SNX29: variants seen among roughly 807,000 people sequenced by gnomAD.
SNX29 encodes sorting nexin-29.
Under a neutral mutation model 102.1 loss-of-function variants are expected in SNX29, and 78 were observed. That is an observed-to-expected ratio of 0.76 (90% CI 0.64 to 0.92). SNX29 has a LOEUF of 0.92. SNX29 is among the 40% of genes least tolerant of loss of function. SNX29 has a pLI of 0.00. For synonymous variants in SNX29, 580 were observed against 414.5 expected, an observed-to-expected ratio of 1.40 and a Z score of -4.85; for missense variants, 1,280 against 1,061.7, an observed-to-expected ratio of 1.21 and a Z score of -2.86.
Position 12,468,862 on chromosome 16 carries a change from A to G in SNX29, c.2038-8857A>G, listed in dbSNP as rs552172374. ...GTTCTCATCATGTCTAAAAACTAAT[A>G]AAACAGCACAGGCAGTGTCAGCGGG... On this transcript the variant is annotated intron_variant, in intron 18 of 20. Coordinates refer to ENST00000566228, the MANE Select transcript of SNX29 (RefSeq NM_032167.5). 3.3e-5 allele frequency among the ~76,000 whole-genome samples: 5 copies of G among 152,318 alleles called. No homozygotes were observed. The East Asian group carries it at 7.7e-4, about 23-fold the overall frequency.
At chr16:12,011,032 C>A (rs116343563) in intron 3 of SNX29, among the ~76,000 whole-genome samples, 53 of 152,016 alleles carry the variant, frequency 3.5e-4, no homozygotes, top group African/African-American at 1.3e-3. Context: ...CTGGATGTTA[C>A]GATTCTTGTC....
At chr16:12,212,838 G>A (rs964726543) in intron 14 of SNX29, among the ~76,000 whole-genome samples, 2 of 152,220 alleles carry the variant, frequency 1.3e-5, no homozygotes, top group African/African-American at 4.8e-5. Flanking sequence ...AAAGGGCTGG[G>A]CGCTGTGGCT....
chr16:12,252,592 G>T (rs576598630), intron 14 of SNX29, among the ~76,000 whole-genome samples: 3 of 152,302 alleles, frequency 2.0e-5, no homozygotes, highest in South Asian at 2.1e-4. Context: ...CTCCCTGAAC[G>T]TGTGTGCATT....
At chr16:12,008,235 C>A (rs1026870016) in intron 3 of SNX29, among the ~76,000 whole-genome samples, 2 of 151,884 alleles carry the variant, frequency 1.3e-5, no homozygotes, top group Admixed American at 1.3e-4. Flanking sequence ...TGAGCCACTG[C>A]GCCTGGCCTG....
intron 11 of SNX29, among the ~76,000 whole-genome samples, chr16:12,120,830 C>G (rs1011059866): frequency 1.3e-5 from 2 of 152,152 alleles, no homozygotes; most frequent in South Asian, 2.1e-4. Flanking sequence ...ACCGTGTCCC[C>G]TCCTCCCCAT....
chr16:12,461,434 C>T (rs1171600516), intron 18 of SNX29, among the ~76,000 whole-genome samples: 1 of 152,162 alleles, frequency 6.6e-6, no homozygotes, highest in Non-Finnish European at 1.5e-5. Flanking sequence ...GCAGTCAGAG[C>T]AAGTTCTAAC....
At chr16:12,555,742 C>G (rs984103803) in intron 20 of SNX29, among the ~76,000 whole-genome samples, 2 of 152,066 alleles carry the variant, frequency 1.3e-5, no homozygotes, top group African/African-American at 4.8e-5. Context: ...CCTTCCACCT[C>G]CCCACAACTC....
At chr16:12,177,225 T>C (rs1035925851) in intron 13 of SNX29, among the ~76,000 whole-genome samples, 4 of 152,206 alleles carry the variant, frequency 2.6e-5, no homozygotes, top group East Asian at 3.8e-4. Flanking sequence ...GTGCTGGGAT[T>C]ATGGGTGTGA....
In SNX29 at chr16:12,048,355, T is replaced by C; in HGVS notation, c.500-17T>C. 6.2e-7 allele frequency: 1 copy of C among 1,613,862 alleles called. No homozygotes were observed. Among genetic ancestry groups the C allele is most frequent in the East Asian group, 2.2e-5 (1 of 44,886 alleles). ...CCCATCAGCAAGCACTCCAGACTTT[T>C]CCCTTTTTTTGGGCAGGTCTGAACT... On this transcript the variant is annotated splice_polypyrimidine_tract_variant and intron_variant, in intron 6 of 20. Coordinates refer to ENST00000566228, the MANE Select transcript of SNX29 (RefSeq NM_032167.5).
At chr16:12,214,528 G>A (rs2077271231) in intron 14 of SNX29, among the ~76,000 whole-genome samples, 1 of 151,986 alleles carries the variant, frequency 6.6e-6, no homozygotes, top group African/African-American at 2.4e-5. Flanking sequence ...TGCTCGAGTG[G>A]GTAATGATGC....
chr16:12,073,114 A>T (rs974960290), intron 10 of SNX29, among the ~76,000 whole-genome samples: 3 of 152,032 alleles, frequency 2.0e-5, no homozygotes, highest in Non-Finnish European at 4.4e-5. Context: ...CCTTTCAAAA[A>T]ACCAGCTCCT....
intron 15 of SNX29, among the ~76,000 whole-genome samples, chr16:12,286,111 G>C (rs1041279569): frequency 7.2e-5 from 11 of 151,820 alleles, no homozygotes; most frequent in African/African-American, 2.4e-4. Flanking sequence ...CCAAAGTGCT[G>C]GGATTACAGG....
At chr16:12,481,080 T>A (rs946504444) in intron 19 of SNX29, among the ~76,000 whole-genome samples, 7 of 152,192 alleles carry the variant, frequency 4.6e-5, no homozygotes, top group Non-Finnish European at 8.8e-5. Flanking sequence ...ACCTTTCTCC[T>A]ATGAAGCCTG....
Position 12,078,794 on chromosome 16 carries a change from G to C in SNX29, c.1320-39G>C, listed in dbSNP as rs1484293008. On this transcript the variant is annotated intron_variant, in intron 10 of 20. Transcript: ENST00000566228. Reference sequence around the variant, plus strand: ...GGAATGGTGAGGGTGTGTACTTTCAGTGGCCGAGTGTAACTTCCTCCTGCC... The same window carrying C: ...GGAATGGTGAGGGTGTGTACTTTCACTGGCCGAGTGTAACTTCCTCCTGCC... 1.9e-6 allele frequency: 3 copies of C among 1,549,040 alleles called. No individual in the cohort carries two copies. The African/African-American group carries it at 4.1e-5, about 21-fold the overall frequency.
chr16:12,497,897 G>A (rs1000024455), intron 19 of SNX29, among the ~76,000 whole-genome samples: 1 of 152,156 alleles, frequency 6.6e-6, no homozygotes, highest in African/African-American at 2.4e-5. Flanking sequence ...GATTGGCCAG[G>A]TCATTGGTTC....
At chr16:12,111,537 G>T (rs369263574) in intron 11 of SNX29, among the ~76,000 whole-genome samples, 1 of 152,194 alleles carries the variant, frequency 6.6e-6, no homozygotes, top group Non-Finnish European at 1.5e-5. Context: ...CAGTGACACA[G>T]TGGGGAGGTT....
intron 15 of SNX29, among the ~76,000 whole-genome samples, chr16:12,291,190 T>G (rs1371443556): frequency 6.6e-6 from 1 of 152,096 alleles, no homozygotes; most frequent in Non-Finnish European, 1.5e-5. Flanking sequence ...TATTAGTCCA[T>G]TGTCACGGTG....
At chr16:12,477,229 C>G (rs1366178754) in intron 18 of SNX29, among the ~76,000 whole-genome samples, 2 of 152,220 alleles carry the variant, frequency 1.3e-5, no homozygotes, top group African/African-American at 2.4e-5. Flanking sequence ...CCCCTCCCTT[C>G]TTTCTGAAAC....
intron 20 of SNX29, among the ~76,000 whole-genome samples, chr16:12,536,273 G>C (rs1357085691): frequency 6.6e-6 from 1 of 151,476 alleles, no homozygotes; most frequent in Non-Finnish European, 1.5e-5. Flanking sequence ...TGACAGAGTT[G>C]AGGATGTTTT....
Sources: allele counts gnomAD v4.1 joint callset (sites outside exome capture counted in the v4.1 genomes callset), GRCh38; gene constraint gnomAD v4.1.1; transcripts MANE v1.5; gene names NCBI Gene and HGNC (gene_info 2026-07-23, HGNC 2026-07-21).